The following GLIS3 variants were observed in gnomAD, a reference collection of about 807,000 sequenced individuals.
GLIS3 encodes GLIS family zinc finger 3.
GLIS3 carries 53 observed loss-of-function variants against 78.6 expected under a neutral mutation model. The observed-to-expected ratio is 0.67, with a 90% confidence interval of 0.54 to 0.85. The LOEUF is 0.85. Among genes scored for constraint, GLIS3 ranks in the 40% least tolerant of loss-of-function variants. GLIS3 has a pLI of 0.00. For synonymous variants in GLIS3, 684 were observed against 509.9 expected (o/e 1.34, Z -4.60); for missense variants, 1,703 against 1,231.1 (o/e 1.38, Z -5.74).
chr9:3,842,945 G>C (rs556234840), intron 9 of GLIS3, among the ~76,000 whole-genome samples: 1 of 152,236 alleles, frequency 6.6e-6, no homozygotes, highest in East Asian at 1.9e-4. Context: ...GGGGCTCTTG[G>C]GGATAAGGTG....
chr9:4,427,760 G>A, the GLIS3 span, among the ~76,000 whole-genome samples: 2,892 of 152,130 alleles, frequency 0.019, 88 homozygotes, highest in African/African-American at 0.066. Context: ...TCAGAAGGCT[G>A]AGGCACAAGA....
In GLIS3 at chr9:4,210,791, T is replaced by G. The variant is rs145789346; in HGVS notation, c.388+75247A>C. ...CCTGCTAGAGCCAGTCTCCTTATGG[T>G]CTCACCAATAAGCAAGTCATGGGCC... is the stretch of plus-strand genomic sequence containing the variant. On this transcript the variant is annotated intron_variant, in intron 2 of 10. Transcript: ENST00000381971. Among the ~76,000 whole-genome samples the G allele has an allele frequency of 6.0e-3, 910 of 152,324 alleles. 7 individuals are homozygous for G. The highest frequency in any genetic ancestry group is 9.8e-3 in the Non-Finnish European group (664 of 68,034).
At chr9:4,214,768 T>C (rs1315004806) in intron 2 of GLIS3, among the ~76,000 whole-genome samples, 1 of 152,240 alleles carries the variant, frequency 6.6e-6, no homozygotes, top group Non-Finnish European at 1.5e-5. Flanking sequence ...TGTGGCTTGT[T>C]ACACCATTGA....
intron 2 of GLIS3, among the ~76,000 whole-genome samples, chr9:4,318,339 G>T (rs1456520845): frequency 6.6e-6 from 1 of 152,128 alleles, no homozygotes; most frequent in African/African-American, 2.4e-5. Flanking sequence ...CAGTAGTCGT[G>T]AGCACACCTA....
At chr9:4,395,811 G>A in the GLIS3 span, among the ~76,000 whole-genome samples, 1 of 135,238 alleles carries the variant, frequency 7.4e-6, no homozygotes, top group Admixed American at 8.3e-5. Context: ...CTCTCGCTCT[G>A]TCACCGGGCT....
upstream of GLIS3, among the ~76,000 whole-genome samples, chr9:4,300,754 G>A (rs1817034639): frequency 6.6e-6 from 1 of 151,676 alleles, no homozygotes; most frequent in Non-Finnish European, 1.5e-5. Context: ...GTTGACCAGA[G>A]CCCTCAAAAG....
rs574604396 is a variant in GLIS3 at position 3,958,174 on chromosome 9, A to G, written c.1711-20985T>C. 2.0e-5 allele frequency among the ~76,000 whole-genome samples: 3 copies of G among 152,304 alleles called. No homozygotes were observed. In the South Asian group the frequency reaches 6.2e-4, roughly 32 times the overall value. ...TGCCATACACAACTACCAAGCCCTT[A>G]GTGAACAACTGCACAATTCAGAGTT... On this transcript the variant is annotated intron_variant, in intron 4 of 10. Transcript: ENST00000381971.
chr9:4,044,457 C>T (rs893261012), intron 4 of GLIS3, among the ~76,000 whole-genome samples: 9 of 152,164 alleles, frequency 5.9e-5, no homozygotes, highest in Non-Finnish European at 1.3e-4. Flanking sequence ...TCTCATTTCT[C>T]TTTAATTTTC....
intron 8 of GLIS3, among the ~76,000 whole-genome samples, chr9:3,859,086 G>T (rs1819986023): frequency 6.6e-6 from 1 of 152,146 alleles, no homozygotes; most frequent in African/African-American, 2.4e-5. Context: ...CCTGTTTGAG[G>T]TAAGGTCCCT....
chr9:4,475,669 A>T, the GLIS3 span, among the ~76,000 whole-genome samples: 1 of 152,214 alleles, frequency 6.6e-6, no homozygotes, highest in African/African-American at 2.4e-5. Context: ...TAAGCACAAG[A>T]ATATATTCTT....
At chr9:4,027,925 G>A (rs1823484354) in intron 4 of GLIS3, among the ~76,000 whole-genome samples, 1 of 152,172 alleles carries the variant, frequency 6.6e-6, no homozygotes, top group Admixed American at 6.5e-5. Context: ...GGCCAGCTCA[G>A]AGCCTCGATC....
At chr9:3,874,859 G>A (rs1412735915) in intron 8 of GLIS3, among the ~76,000 whole-genome samples, 1 of 152,144 alleles carries the variant, frequency 6.6e-6, no homozygotes, top group Non-Finnish European at 1.5e-5. Context: ...TCAGCCATGG[G>A]CTCATAGGAA....
At chr9:4,486,329 G>C in the GLIS3 span, among the ~76,000 whole-genome samples, 119 of 152,236 alleles carry the variant, frequency 7.8e-4, 1 homozygote, top group African/African-American at 2.7e-3. Flanking sequence ...GTAATTGCTT[G>C]TTCTTCCCCT....
At chr9:4,457,628 A>G in the GLIS3 span, among the ~76,000 whole-genome samples, 25 of 152,036 alleles carry the variant, frequency 1.6e-4, no homozygotes, top group African/African-American at 6.0e-4. Context: ...CGGGTGGATC[A>G]TGAGGTCAGG....
the GLIS3 span, among the ~76,000 whole-genome samples, chr9:4,447,192 C>T: frequency 5.9e-5 from 9 of 152,190 alleles, no homozygotes; most frequent in East Asian, 1.7e-3. Flanking sequence ...GGACTATAGG[C>T]ATGTGCCACC....
intron 4 of GLIS3, among the ~76,000 whole-genome samples, chr9:4,101,982 T>C (rs528839035): frequency 1.3e-5 from 2 of 152,316 alleles, no homozygotes; most frequent in South Asian, 2.1e-4. Context: ...ATATTTTCCA[T>C]ATATTATGGT....
At chr9:4,062,500 C>A (rs1362661491) in intron 4 of GLIS3, among the ~76,000 whole-genome samples, 3 of 152,202 alleles carry the variant, frequency 2.0e-5, no homozygotes, top group African/African-American at 4.8e-5. Flanking sequence ...CTAGTGTCAA[C>A]CATATCACAT....
the GLIS3 span, among the ~76,000 whole-genome samples, chr9:4,432,219 G>A: frequency 2.2e-5 from 3 of 138,714 alleles, no homozygotes; most frequent in African/African-American, 5.4e-5. Context: ...CAGTGTATAG[G>A]AGTTGCCAAT....
chr9:4,323,456 G>C lies in GLIS3; in HGVS notation n.265-12928C>G, dbSNP rs180716742. Among the ~76,000 whole-genome samples, 312 of 152,254 alleles carry C rather than the reference G, an allele frequency of 2.0e-3. 1 individual carries two copies. Among genetic ancestry groups the C allele is most frequent in the African/African-American group, 7.3e-3 (302 of 41,542 alleles). On this transcript the variant is annotated intron_variant and non_coding_transcript_variant, in intron 2 of 4. Transcript: ENST00000471664. ...TGTCTGTATTCGTCCATGTAGCTGT[G>C]TGTAGCAGGGATTCATTCATTTATA... is the stretch of plus-strand genomic sequence containing the variant.
Sources: gnomAD v4.1 joint callset for allele counts (sites outside exome capture counted in the v4.1 genomes callset) on GRCh38, gnomAD v4.1.1 for gene constraint, MANE v1.5 for transcripts, NCBI Gene and HGNC (gene_info 2026-07-23, HGNC 2026-07-21) for gene names.